Variants in DCLRE1C observed in about 807,000 individuals in gnomAD.
DCLRE1C encodes the protein protein artemis.
A neutral mutation model predicts 61.4 loss-of-function variants in DCLRE1C; 47 were observed. That is an observed-to-expected ratio of 0.77 (90% CI 0.61 to 0.98). The LOEUF (loss-of-function observed/expected upper bound fraction) is 0.98. Among genes scored for constraint, DCLRE1C ranks in the 50% least tolerant of loss-of-function variants. The probability of loss-of-function intolerance (pLI) is 0.00; values close to 1 mark genes in which losing one functional copy is unlikely to be tolerated. For synonymous variants in DCLRE1C, 337 were observed against 287.6 expected, an observed-to-expected ratio of 1.17 and a Z score of -1.74; for missense variants, 858 against 816.0, an observed-to-expected ratio of 1.05 and a Z score of -0.63.
chr10:14,949,858 A>T (rs2131179565), intron 1 of DCLRE1C, among the ~76,000 whole-genome samples: 1 of 152,046 alleles, frequency 6.6e-6, no homozygotes, highest in South Asian at 2.1e-4. Context: ...CAACCTTGCC[A>T]ACATGGTAAA....
exon 14 of DCLRE1C, chr10:14,897,835 C>T (rs569771930): frequency 1.7e-5 from 3 of 176,700 alleles, no homozygotes; most frequent in Non-Finnish European, 3.5e-5. Flanking sequence ...TAAGAAGAAA[C>T]TCAGATGTAA....
At chr10:14,932,324 G>A (rs41297968) in intron 9 of DCLRE1C, among the ~76,000 whole-genome samples, 3,730 of 152,254 alleles carry the variant, frequency 0.024, 124 homozygotes, top group African/African-American at 0.083. Flanking sequence ...AAACGTGTAT[G>A]AATAGATTTC....
chr10:14,936,176 G>A (rs1173823516), intron 5 of DCLRE1C, among the ~76,000 whole-genome samples: 3 of 152,024 alleles, frequency 2.0e-5, no homozygotes, highest in South Asian at 2.1e-4. Flanking sequence ...TTACAGGTGT[G>A]AGCCACCACA....
chr10:14,951,177 G>C (rs1475565294), intron 1 of DCLRE1C, among the ~76,000 whole-genome samples: 4 of 151,946 alleles, frequency 2.6e-5, no homozygotes, highest in Admixed American at 6.6e-5. Flanking sequence ...CCAGGAGTTC[G>C]ATACCAGCCT....
rs1026609317 is a variant in DCLRE1C, at chr10:14,899,067, C to G, written c.*97G>C. The G allele has an allele frequency of 8.8e-5, 53 of 601,138 alleles. No individual in the cohort carries two copies. In the East Asian group the frequency reaches 1.5e-3, roughly 17 times the overall value. 37.2% of individuals were successfully genotyped at this position (601,138 alleles called of 1,614,324 possible). ...CATAAATCAACCAGTTACAGTTAATCCCAGCACTTGGGGAGGTCAAGGCTG... is the reference window on the plus strand; with the variant it reads ...CATAAATCAACCAGTTACAGTTAATGCCAGCACTTGGGGAGGTCAAGGCTG... On this transcript the variant is annotated 3_prime_UTR_variant, in exon 14 of 14. Coordinates refer to the DCLRE1C transcript ENST00000378289.
rs2131780031 is a variant in DCLRE1C at position 14,909,294 on chromosome 10, G to A, written c.1193C>T (p.Pro398Leu). The A allele has an allele frequency of 6.2e-7, 1 of 1,613,866 alleles. No homozygotes were observed. Among genetic ancestry groups the A allele is most frequent in the Admixed American group, 1.7e-5 (1 of 59,998 alleles). Residue 398 changes from proline to leucine, a missense_variant, in exon 14 of 14, where the codon CCA becomes CTA. Pro to Leu is a moderately conservative substitution (Grantham distance 98). This residue lies in a region of DCLRE1C where 843 missense variants were observed against 783.5 expected (regional missense o/e 1.08). Transcript: ENST00000378278. ...EDDYLFDDPL[P>L]IPLRHKVPYP... is the part of the protein sequence containing the mutation. The stretch of plus-strand genomic sequence containing the variant: ...TGGAACTTTGTGCCTTAAAGGTATT[G>A]GCAGAGGATCATCAAAGAGATAGTC...
At chr10:14,944,673 C>T (rs374028392) in intron 3 of DCLRE1C, among the ~76,000 whole-genome samples, 1,869 of 117,568 alleles carry the variant, frequency 0.016, 20 homozygotes, top group African/African-American at 0.038. Flanking sequence ...TTTTTTTTTT[C>T]TTTTTTTTTT....
At chr10:14,943,866 A>G (rs1374333960) in intron 3 of DCLRE1C, among the ~76,000 whole-genome samples, 4 of 152,144 alleles carry the variant, frequency 2.6e-5, no homozygotes, top group African/African-American at 9.7e-5. Flanking sequence ...GATTTTTTTA[A>G]CTTAAACTGA....
At chr10:14,916,137 G>C (rs114923932) in intron 13 of DCLRE1C, among the ~76,000 whole-genome samples, 1,779 of 152,260 alleles carry the variant, frequency 0.012, 43 homozygotes, top group African/African-American at 0.041. Context: ...ATACTTAATG[G>C]TGAAATAATG....
chr10:14,901,545 CTT>C (rs761960859), downstream of DCLRE1C, among the ~76,000 whole-genome samples: 12 of 147,358 alleles, frequency 8.1e-5, no homozygotes, highest in Non-Finnish European at 6.1e-5. Context: ...TACTACTTGT[CTT>C]TTTTTTTTTT....
At chr10:14,910,074 C>A (rs1223435242) in intron 13 of DCLRE1C, among the ~76,000 whole-genome samples, 2 of 152,156 alleles carry the variant, frequency 1.3e-5, no homozygotes, top group African/African-American at 4.8e-5. Flanking sequence ...TGTTCTACTG[C>A]TGAATCTGGT....
chr10:14,942,260 TGA>T (rs913472150), intron 3 of DCLRE1C: 1 of 152,188 alleles, frequency 6.6e-6, no homozygotes, highest in African/African-American at 2.4e-5. Context: ...CCAGAGGAAG[TGA>T]GAGACAGAAG....
At chr10:14,929,357 T>C (rs1424453000) in intron 9 of DCLRE1C, among the ~76,000 whole-genome samples, 4 of 151,768 alleles carry the variant, frequency 2.6e-5, no homozygotes, top group Admixed American at 6.6e-5. Context: ...TGAGCCCAGA[T>C]TGCGCCACTG....
In DCLRE1C at chr10:14,926,881, A is replaced by C; in HGVS notation, c.934T>G (p.Tyr312Asp). ...GAGTGAAAAGAAAAACAAGCTCTGT[A>C]TGAACTCTCTCCAGTCCTAAAGGGA... ...NVIVRTGESS[Y>D]RACFSFHSSY... Residue 312 changes from tyrosine to aspartate, a missense_variant, in exon 11 of 14, where the codon TAC (tyrosine) becomes GAC (aspartate). Tyr to Asp is a radical substitution (Grantham distance 160). Coordinates refer to ENST00000378278, the MANE Select transcript of DCLRE1C (RefSeq NM_001033855.3). 1 of 1,613,588 alleles carries C rather than the reference A, an allele frequency of 6.2e-7. No homozygotes were observed. The highest frequency in any genetic ancestry group is 1.1e-5 in the South Asian group (1 of 91,060).
intron 12 of DCLRE1C, 39 bp from the exon 13 acceptor site, chr10:14,919,871 A>C (rs1836813292): frequency 6.6e-7 from 1 of 1,509,762 alleles, no homozygotes; most frequent in African/African-American, 1.4e-5. Context: ...CCTTTTGAGG[A>C]AGTTGTTAGA....
At chr10:14,945,323 T>C in intron 2 of DCLRE1C, 134 bp from the exon 3 acceptor site, 1 of 1,402,316 alleles carries the variant, frequency 7.1e-7, no homozygotes, top group South Asian at 1.4e-5. Flanking sequence ...ACCCCATCCC[T>C]AATAAAAACA....
At chr10:14,935,750 A>G (rs1839802993) in intron 5 of DCLRE1C, among the ~76,000 whole-genome samples, 186 bp from the exon 6 acceptor site, 1 of 152,180 alleles carries the variant, frequency 6.6e-6, no homozygotes, top group Admixed American at 6.5e-5. Context: ...CGGGTAGAAA[A>G]TAACAGAATG....
chr10:14,911,611 G>GA (rs967308611), intron 13 of DCLRE1C, among the ~76,000 whole-genome samples: 4 of 151,952 alleles, frequency 2.6e-5, no homozygotes, highest in South Asian at 2.1e-4. Flanking sequence ...TGCAATAAAA[G>GA]AAAAAAATAG....
intron 12 of DCLRE1C, among the ~76,000 whole-genome samples, chr10:14,922,307 G>A (rs774167546): frequency 1.3e-5 from 2 of 152,052 alleles, no homozygotes; most frequent in Non-Finnish European, 2.9e-5. Context: ...CGGGCATGAT[G>A]GCATGCACCT....
Sources: gnomAD v4.1 joint callset for allele counts (sites outside exome capture counted in the v4.1 genomes callset) on GRCh38, gnomAD v4.1.1 for gene constraint, gnomAD v4.1.1 regional missense constraint, MANE v1.5 for transcripts, NCBI Gene and HGNC (gene_info 2026-07-23, HGNC 2026-07-21) for gene names.